The following CNKSR3 variants were observed in gnomAD, a reference collection of about 807,000 sequenced individuals.
CNKSR3 encodes the protein connector enhancer of kinase suppressor of ras 3.
In CNKSR3, 36 loss-of-function variants were observed where a neutral mutation model predicts 67.7. That is an observed-to-expected ratio of 0.53 (90% confidence interval 0.41 to 0.70). The LOEUF (loss-of-function observed/expected upper bound fraction) is 0.70, where lower values mean the gene tolerates loss of function less well. Among genes scored for constraint, CNKSR3 ranks in the 30% least tolerant of loss-of-function variants. The pLI, the probability that CNKSR3 is intolerant of heterozygous loss-of-function variation, is 0.00. For missense variants in CNKSR3, 630 were observed against 695.2 expected, an observed-to-expected ratio of 0.91 and a Z score of 1.05; for synonymous variants, 281 against 271.4, an observed-to-expected ratio of 1.04 and a Z score of -0.35.
chr6:154,454,134 GAGAGA>G (rs1785901494), intron 1 of CNKSR3, among the ~76,000 whole-genome samples: 1 of 143,150 alleles, frequency 7.0e-6, no homozygotes, highest in Non-Finnish European at 1.5e-5. Context: ...GAGAGAGAGA[GAGAGA>G]GAGAGATAAG....
intron 1 of CNKSR3, among the ~76,000 whole-genome samples, chr6:154,481,817 A>C (rs1325015588): frequency 6.6e-6 from 1 of 152,196 alleles, no homozygotes; most frequent in African/African-American, 2.4e-5. Flanking sequence ...TAATGACAGC[A>C]TTCCAAGAAC....
chr6:154,488,289 C>G (rs967628635), intron 1 of CNKSR3, among the ~76,000 whole-genome samples: 1 of 152,196 alleles, frequency 6.6e-6, no homozygotes, highest in African/African-American at 2.4e-5. Context: ...TTACCACTCC[C>G]AGGAAGTCTA....
At chr6:154,442,479 G>A (rs6926901) in intron 2 of CNKSR3, among the ~76,000 whole-genome samples, 189 bp from the exon 3 acceptor site, 16,883 of 151,890 alleles carry the variant, frequency 0.11, 1,882 homozygotes, top group African/African-American at 0.28. Flanking sequence ...AAAATTAGCC[G>A]GGCGTGGTGG....
intron 4 of CNKSR3, among the ~76,000 whole-genome samples, chr6:154,435,738 C>T (rs1028235577): frequency 6.6e-6 from 1 of 152,266 alleles, no homozygotes; most frequent in Non-Finnish European, 1.5e-5. Context: ...AGCCCTGGGT[C>T]ACCTGGCAGC....
intron 1 of CNKSR3, among the ~76,000 whole-genome samples, chr6:154,485,611 G>A (rs115912418): frequency 2.1e-4 from 32 of 152,128 alleles, no homozygotes; most frequent in African/African-American, 7.5e-4. Flanking sequence ...TTCTTAATAC[G>A]AACAGCGTGA....
intron 2 of CNKSR3, 142 bp downstream of exon 2, chr6:154,449,952 TC>T: frequency 3.7e-6 from 3 of 816,142 alleles, no homozygotes; most frequent in Non-Finnish European, 5.5e-6. Flanking sequence ...TTTTTCCCCT[TC>T]CTATAGTATC....
At chr6:154,424,188 G>A (rs1432291476) in intron 7 of CNKSR3, among the ~76,000 whole-genome samples, 9 of 144,088 alleles carry the variant, frequency 6.2e-5, no homozygotes, top group East Asian at 2.0e-4. Context: ...CCGAGATCGC[G>A]CCACTGCACT....
At position 154,442,272 on chromosome 6, in the gene CNKSR3, C is replaced by A; in HGVS notation, c.235G>T (p.Asp79Tyr). 1 of 1,613,722 alleles carries A rather than the reference C, an allele frequency of 6.2e-7. No individual in the cohort carries two copies. Among genetic ancestry groups the A allele is most frequent in the Non-Finnish European group, 8.5e-7 (1 of 1,179,602 alleles). The change falls in exon 3 of 13, where the codon GAT becomes TAT. Residue 79 changes from aspartate to tyrosine, a missense_variant. Physicochemically the swap from Asp to Tyr is radical, Grantham distance 160 (BLOSUM62 -3). This residue lies in a region of CNKSR3 where 189 missense variants were observed against 205.0 expected (regional missense o/e 0.92). Coordinates refer to ENST00000607772, the MANE Select transcript of CNKSR3 (RefSeq NM_173515.4). The stretch of plus-strand genomic sequence containing the variant: ...TTCAGAACCAAGTTCTTCATGTTAT[C>A]AGTTTCGAGGCCATAATTCTGTGGA... The part of the protein sequence containing the change: ...LCALNYGLET[D>Y]NMKNLVLKLR...
In CNKSR3 at chr6:154,414,454, A is replaced by G. The variant is rs751857839; in HGVS notation, c.946-31T>C. 1.9e-6 allele frequency: 3 copies of G among 1,562,518 alleles called. No individual in the cohort carries two copies. The Admixed American group carries it at 5.8e-5, about 30-fold the overall frequency. On this transcript the variant is annotated intron_variant, in intron 9 of 12. Coordinates refer to ENST00000607772, the MANE Select transcript of CNKSR3 (RefSeq NM_173515.4). ...ACAGGAGTAACACAGCAATGCAAAG[A>G]GTGGAGATCAATTCAGAGATGATTC...
intron 1 of CNKSR3, among the ~76,000 whole-genome samples, 156 bp downstream of exon 1, chr6:154,509,907 G>T (rs981061706): frequency 6.6e-6 from 1 of 152,198 alleles, no homozygotes; most frequent in African/African-American, 2.4e-5. Flanking sequence ...CGAGAGATAG[G>T]AGCGCACAGG....
chr6:154,502,966 G>A (rs1006714019), intron 1 of CNKSR3, among the ~76,000 whole-genome samples: 21 of 152,146 alleles, frequency 1.4e-4, no homozygotes, highest in African/African-American at 4.6e-4. Flanking sequence ...CACAATAAGG[G>A]GAATGCACGA....
At position 154,472,802 on chromosome 6, in the gene CNKSR3, GAA is replaced by G. The variant is rs36058734; in HGVS notation, c.53-22546_53-22545del. Among the ~76,000 whole-genome samples the G allele has an allele frequency of 6.6e-3, 928 of 139,884 alleles. 14 individuals carry two copies. Among genetic ancestry groups the G allele is most frequent in the African/African-American group, 0.021 (806 of 38,510 alleles). The allele number at this position is 139,884 out of a possible 152,430, so 91.8% of individuals were successfully genotyped here. A position where few individuals can be genotyped will look rare whatever the true frequency, so the allele number is the denominator to read the frequency against. On this transcript the variant is annotated intron_variant, in intron 1 of 12. Transcript: ENST00000607772. ...ACCACTAAGAGTACATCTTTAAAAG[GAA>G]AAAAAAAAAAAAGCAAAACAACAAC...
At chr6:154,441,196 G>T in intron 4 of CNKSR3, 96 bp downstream of exon 4, 3 of 791,098 alleles carry the variant, frequency 3.8e-6, no homozygotes, top group Non-Finnish European at 6.0e-6. Flanking sequence ...GGAGAGGAGA[G>T]TAGTACTTCA....
intron 4 of CNKSR3, among the ~76,000 whole-genome samples, chr6:154,437,849 A>ATGTT (rs1785504088): frequency 6.6e-6 from 1 of 152,204 alleles, no homozygotes; most frequent in African/African-American, 2.4e-5. Context: ...AACTGTTCAA[A>ATGTT]TTTAAAACAA....
chr6:154,484,017 G>T, intron 1 of CNKSR3, among the ~76,000 whole-genome samples: 1 of 152,182 alleles, frequency 6.6e-6, no homozygotes, highest in East Asian at 1.9e-4. Flanking sequence ...GGGAAAGGGG[G>T]CCAATCAGAG....
chr6:154,435,410 G>T (rs1026390794), intron 4 of CNKSR3, among the ~76,000 whole-genome samples: 5 of 152,144 alleles, frequency 3.3e-5, no homozygotes, highest in Non-Finnish European at 5.9e-5. Context: ...TGACTGCAAG[G>T]TTCCTACAAC....
rs748786405 is a variant in CNKSR3 at position 154,410,930 on chromosome 6, T to G, written c.1279+4A>C. On this transcript the variant is annotated splice_donor_region_variant and intron_variant, in intron 11 of 12. Coordinates refer to ENST00000607772, the MANE Select transcript of CNKSR3 (RefSeq NM_173515.4). ...GCAGAACAAAACAAACACTTGAAAC[T>G]TACCATAAGATGGTGTTTTCTCTCT... The G allele has an allele frequency of 1.1e-5, 17 of 1,607,318 alleles. No individual in the cohort carries two copies. The East Asian group carries it at 3.6e-4, about 34-fold the overall frequency.
rs1257532027 is a variant in CNKSR3 at position 154,496,892 on chromosome 6, T to C, written c.52+13171A>G. The stretch of plus-strand genomic sequence containing the variant: ...CCAAACTTACCCACCTAAGTGCCTC[T>C]AGGGGAGACGTCAGGCTCTAATGCC... On this transcript the variant is annotated intron_variant, in intron 1 of 12. Coordinates refer to ENST00000607772, the MANE Select transcript of CNKSR3 (RefSeq NM_173515.4). Among the ~76,000 whole-genome samples, 4 of 152,304 alleles carry C rather than the reference T, an allele frequency of 2.6e-5. No homozygotes were observed. In the East Asian group the frequency reaches 7.7e-4, roughly 29 times the overall value.
At chr6:154,419,884 A>G (rs1054241987) in intron 9 of CNKSR3, among the ~76,000 whole-genome samples, 1 of 152,114 alleles carries the variant, frequency 6.6e-6, no homozygotes. Context: ...GTTTGAGACC[A>G]GACTGGCCAA....
Sources: gnomAD v4.1 joint callset for allele counts (sites outside exome capture counted in the v4.1 genomes callset) on GRCh38, gnomAD v4.1.1 for gene constraint, gnomAD v4.1.1 regional missense constraint, MANE v1.5 for transcripts, NCBI Gene and HGNC (gene_info 2026-07-23, HGNC 2026-07-21) for gene names.